The following AUTS2 variants were observed in gnomAD, a reference collection of about 807,000 sequenced individuals.
AUTS2 encodes autism susceptibility gene 2 protein.
AUTS2 carries 17 observed loss-of-function variants against 112.4 expected under a neutral mutation model. The observed-to-expected ratio is 0.15, with a 90% CI of 0.10 to 0.23. The LOEUF is 0.23. Among genes scored for constraint, AUTS2 ranks in the 10% least tolerant of loss-of-function variants. AUTS2 has a pLI of 1.00. For synonymous variants in AUTS2, 751 were observed against 702.7 expected (o/e 1.07, Z -1.09); for missense variants, 1,510 against 1,701.6 (o/e 0.89, Z 1.98).
At chr7:70,490,167 TA>T (rs993394159) in intron 5 of AUTS2, among the ~76,000 whole-genome samples, 41 of 151,082 alleles carry the variant, frequency 2.7e-4, no homozygotes, top group African/African-American at 1.0e-3. Context: ...AAGGAAATAA[TA>T]AAGAAAATAG....
chr7:69,984,862 G>A (rs1204080110), intron 2 of AUTS2, among the ~76,000 whole-genome samples: 2 of 152,158 alleles, frequency 1.3e-5, no homozygotes, highest in Non-Finnish European at 2.9e-5. Context: ...TGGATGAGGG[G>A]CTGGGCAACT....
chr7:70,379,213 T>A (rs1450425616), intron 4 of AUTS2, among the ~76,000 whole-genome samples: 2 of 152,124 alleles, frequency 1.3e-5, no homozygotes, highest in Non-Finnish European at 2.9e-5. Flanking sequence ...GAAAAACTAT[T>A]ATTAGGGCGG....
intron 1 of AUTS2, among the ~76,000 whole-genome samples, chr7:69,866,639 A>G (rs914063487): frequency 6.6e-6 from 1 of 152,212 alleles, no homozygotes; most frequent in African/African-American, 2.4e-5. Context: ...CAGAGCAAGC[A>G]AAGTTCTGGA....
chr7:70,307,680 A>G (rs1394665519), intron 4 of AUTS2, among the ~76,000 whole-genome samples: 1 of 152,190 alleles, frequency 6.6e-6, no homozygotes, highest in African/African-American at 2.4e-5. Context: ...AAATCACACG[A>G]AAGGAGAGCC....
At chr7:69,680,357 C>T (rs984346164) in intron 1 of AUTS2, among the ~76,000 whole-genome samples, 3 of 152,186 alleles carry the variant, frequency 2.0e-5, no homozygotes, top group Non-Finnish European at 4.4e-5. Context: ...CTTTAAACAG[C>T]TACTTAAGAT....
intron 1 of AUTS2, among the ~76,000 whole-genome samples, chr7:69,802,721 T>G (rs1300480679): frequency 1.3e-5 from 2 of 152,178 alleles, no homozygotes; most frequent in Non-Finnish European, 2.9e-5. Flanking sequence ...AACATCTTGC[T>G]TTTCAGTGTT....
chr7:70,487,797 TAA>T (rs1798072860), intron 5 of AUTS2, among the ~76,000 whole-genome samples: 1 of 151,928 alleles, frequency 6.6e-6, no homozygotes, highest in Admixed American at 6.6e-5. Context: ...TAGCTAAGGA[TAA>T]ATCGGTGAGG....
intron 5 of AUTS2, among the ~76,000 whole-genome samples, chr7:70,656,176 A>G (rs1806760454): frequency 6.6e-6 from 1 of 152,008 alleles, no homozygotes; most frequent in Admixed American, 6.5e-5. Flanking sequence ...GGGGCCCTCA[A>G]TCCCTTAACA....
At chr7:69,685,420 C>T (rs1797018300) in intron 1 of AUTS2, among the ~76,000 whole-genome samples, 1 of 152,320 alleles carries the variant, frequency 6.6e-6, no homozygotes, top group South Asian at 2.1e-4. Flanking sequence ...CAGTTTGCCA[C>T]CTCTCTACCA....
chr7:70,400,523 T>C (rs747358046), intron 4 of AUTS2, among the ~76,000 whole-genome samples: 7 of 152,072 alleles, frequency 4.6e-5, no homozygotes, highest in Admixed American at 1.3e-4. Flanking sequence ...AAAGCATACA[T>C]GGGAAGATGT....
intron 2 of AUTS2, among the ~76,000 whole-genome samples, chr7:70,027,721 G>T (rs965136602): frequency 1.3e-5 from 2 of 152,066 alleles, no homozygotes; most frequent in African/African-American, 2.4e-5. Flanking sequence ...ATAGAAATAG[G>T]ATTATCATTA....
Position 70,537,329 on chromosome 7 carries a change from G to A in AUTS2, c.690+101548G>A, listed in dbSNP as rs1249575414. 1.4e-4 allele frequency among the ~76,000 whole-genome samples: 21 copies of A among 152,118 alleles called. 1 individual carries two copies. The highest frequency in any genetic ancestry group is 3.1e-4 in the Non-Finnish European group (21 of 68,008). On this transcript the variant is annotated intron_variant, in intron 5 of 18. Transcript: ENST00000342771. ...CCCAGTACTACAACATTGGATTTTT[G>A]TTGCTGTTAAATCAAAATTTTAGTC...
rs796555705 is a variant in AUTS2, at chr7:70,731,590, C to T, written c.743-31280C>T. Among the ~76,000 whole-genome samples, 85 of 151,716 alleles carry T rather than the reference C, an allele frequency of 5.6e-4. 1 individual carries two copies. The highest frequency in any genetic ancestry group is 2.4e-3 in the Admixed American group (37 of 15,230). ...TACTACAGGTGCCCGCCACCATGCC[C>T]GGCTAATTTTTTATATTTTTAGTAG... is the stretch of plus-strand genomic sequence containing the variant. On this transcript the variant is annotated intron_variant, in intron 6 of 18. Coordinates refer to ENST00000342771, the MANE Select transcript of AUTS2 (RefSeq NM_015570.4).
chr7:69,958,456 T>G (rs1274492301), intron 2 of AUTS2, among the ~76,000 whole-genome samples: 2 of 152,114 alleles, frequency 1.3e-5, no homozygotes, highest in Admixed American at 6.6e-5. Flanking sequence ...TGTTCCCTAC[T>G]TGCAAGAAAA....
chr7:70,617,953 T>C (rs1563079233), intron 5 of AUTS2, among the ~76,000 whole-genome samples: 1 of 152,200 alleles, frequency 6.6e-6, no homozygotes, highest in Non-Finnish European at 1.5e-5. Context: ...GTCTTTCTGC[T>C]TCACATCTCC....
At chr7:69,862,634 A>G (rs1173630911) in intron 1 of AUTS2, among the ~76,000 whole-genome samples, 5 of 152,100 alleles carry the variant, frequency 3.3e-5, no homozygotes, top group African/African-American at 9.7e-5. Flanking sequence ...TGTATCTTCA[A>G]AGTAGATTAG....
At chr7:69,669,205 A>G (rs1202237912) in intron 1 of AUTS2, among the ~76,000 whole-genome samples, 1 of 152,200 alleles carries the variant, frequency 6.6e-6, no homozygotes, top group Non-Finnish European at 1.5e-5. Context: ...GTTATCAGTA[A>G]TCCTAACACT....
At chr7:70,721,657 A>T (rs895523779) in intron 6 of AUTS2, among the ~76,000 whole-genome samples, 1 of 152,172 alleles carries the variant, frequency 6.6e-6, no homozygotes, top group Non-Finnish European at 1.5e-5. Flanking sequence ...GTAGCAGTTC[A>T]TGACCTGCTA....
intron 1 of AUTS2, among the ~76,000 whole-genome samples, chr7:69,789,252 A>G (rs181007520): frequency 7.2e-4 from 110 of 152,314 alleles, no homozygotes; most frequent in African/African-American, 2.6e-3. Context: ...CATCAGAATT[A>G]CGTGGGGGCA....
Sources: gnomAD v4.1 joint callset for allele counts (sites outside exome capture counted in the v4.1 genomes callset) on GRCh38, gnomAD v4.1.1 for gene constraint, MANE v1.5 for transcripts, NCBI Gene and HGNC (gene_info 2026-07-23, HGNC 2026-07-21) for gene names.